SNTG1: variants seen among roughly 807,000 people sequenced by gnomAD.
SNTG1 encodes the protein syntrophin gamma 1.
A neutral mutation model predicts 74.7 loss-of-function variants in SNTG1; 39 were observed. The ratio of observed to expected loss-of-function variants is 0.52; its 90% CI spans 0.40 to 0.68. The LOEUF (loss-of-function observed/expected upper bound fraction) is 0.68, where lower values mean the gene tolerates loss of function less well. Among genes scored for constraint, SNTG1 ranks in the 30% least tolerant of loss-of-function variants. The probability of loss-of-function intolerance (pLI) is 0.00; values close to 1 mark genes in which losing one functional copy is unlikely to be tolerated. For missense variants in SNTG1, 685 were observed against 609.5 expected, an observed-to-expected ratio of 1.12 and a Z score of -1.30; for synonymous variants, 254 against 217.1, an observed-to-expected ratio of 1.17 and a Z score of -1.49.
chr8:50,225,997 A>G (rs1213449282), intron 2 of SNTG1, among the ~76,000 whole-genome samples: 3 of 152,246 alleles, frequency 2.0e-5, no homozygotes, highest in Non-Finnish European at 2.9e-5. Flanking sequence ...ATATGCATAC[A>G]TACAACATGA....
At chr8:50,055,004 T>C (rs1248172301) in intron 1 of SNTG1, among the ~76,000 whole-genome samples, 1 of 152,080 alleles carries the variant, frequency 6.6e-6, no homozygotes, top group Non-Finnish European at 1.5e-5. Flanking sequence ...TTTTTTAAAC[T>C]TCTCTCACTC....
chr8:50,562,246 T>C (rs2094492825), intron 12 of SNTG1, among the ~76,000 whole-genome samples: 1 of 152,206 alleles, frequency 6.6e-6, no homozygotes. Context: ...TTCCATGTCA[T>C]ATGGCAATAG....
chr8:49,953,433 G>C (rs919720934), intron 1 of SNTG1, among the ~76,000 whole-genome samples: 1 of 152,128 alleles, frequency 6.6e-6, no homozygotes, highest in Non-Finnish European at 1.5e-5. Context: ...TATTTCCCTG[G>C]GAACTAGAGA....
chr8:50,377,251 G>GA (rs1173851274), intron 2 of SNTG1, among the ~76,000 whole-genome samples: 1 of 151,694 alleles, frequency 6.6e-6, no homozygotes, highest in Non-Finnish European at 1.5e-5. Context: ...AGGAAAGGAA[G>GA]AAAAAAAATG....
chr8:50,228,956 T>C (rs547598913), intron 2 of SNTG1, among the ~76,000 whole-genome samples: 252 of 151,824 alleles, frequency 1.7e-3, no homozygotes, highest in African/African-American at 5.9e-3. Context: ...GATTATATCA[T>C]ATAGATAAGT....
At chr8:50,322,769 C>T (rs2090581461) in intron 2 of SNTG1, among the ~76,000 whole-genome samples, 13 of 151,786 alleles carry the variant, frequency 8.6e-5, no homozygotes, top group Admixed American at 8.5e-4. Flanking sequence ...TTTCAAATAG[C>T]CTGTCTTCAA....
chr8:50,264,338 C>A (rs753837275), intron 2 of SNTG1, among the ~76,000 whole-genome samples: 1 of 151,858 alleles, frequency 6.6e-6, no homozygotes, highest in Non-Finnish European at 1.5e-5. Flanking sequence ...GAGGCTGAGG[C>A]GGGAAGATCG....
At chr8:50,357,621 C>T (rs1420238577) in intron 2 of SNTG1, among the ~76,000 whole-genome samples, 2 of 152,186 alleles carry the variant, frequency 1.3e-5, no homozygotes, top group African/African-American at 4.8e-5. Context: ...AGCCTTGATA[C>T]TGAAGCAGGT....
At chr8:50,011,097 C>T (rs923849752) in intron 1 of SNTG1, among the ~76,000 whole-genome samples, 1 of 151,952 alleles carries the variant, frequency 6.6e-6, no homozygotes. Context: ...CTTCACATGG[C>T]CCTGCTTTGA....
intron 8 of SNTG1, among the ~76,000 whole-genome samples, chr8:50,475,230 T>TAAA (rs1361689184): frequency 6.7e-6 from 1 of 149,448 alleles, no homozygotes; most frequent in Non-Finnish European, 1.5e-5. Context: ...AGTATAATAA[T>TAAA]AATAATAATA....
intron 2 of SNTG1, among the ~76,000 whole-genome samples, chr8:50,332,380 C>T (rs2090998325): frequency 6.6e-6 from 1 of 151,824 alleles, no homozygotes; most frequent in Admixed American, 6.6e-5. Context: ...TCGTGTACAT[C>T]CATGGCCCCC....
intron 12 of SNTG1, among the ~76,000 whole-genome samples, chr8:50,579,667 G>A (rs1026983001): frequency 6.6e-6 from 1 of 152,168 alleles, no homozygotes; most frequent in African/African-American, 2.4e-5. Context: ...AAAAAAGGGG[G>A]CCAATGCGCA....
intron 18 of SNTG1, among the ~76,000 whole-genome samples, chr8:50,783,884 G>A (rs544458286): frequency 6.6e-6 from 1 of 152,304 alleles, no homozygotes; most frequent in African/African-American, 2.4e-5. Flanking sequence ...TTGGTATGAT[G>A]AGTGATCTTC....
At chr8:50,571,759 C>T (rs1006724498) in intron 12 of SNTG1, among the ~76,000 whole-genome samples, 1 of 152,170 alleles carries the variant, frequency 6.6e-6, no homozygotes, top group Non-Finnish European at 1.5e-5. Flanking sequence ...CTAGGTGATT[C>T]GCTCTCACCT....
At chr8:50,761,755 T>C (rs921512871) in intron 18 of SNTG1, among the ~76,000 whole-genome samples, 6 of 151,994 alleles carry the variant, frequency 3.9e-5, no homozygotes, top group Non-Finnish European at 7.4e-5. Flanking sequence ...GTTCTACAGT[T>C]TTATGTTTCT....
chr8:50,342,198 G>A (rs573274669), intron 2 of SNTG1, among the ~76,000 whole-genome samples: 1 of 152,058 alleles, frequency 6.6e-6, no homozygotes, highest in Non-Finnish European at 1.5e-5. Context: ...GCATGAAGTA[G>A]TTTAAAAGTT....
At chr8:50,773,795 C>T (rs1431946640) in intron 18 of SNTG1, among the ~76,000 whole-genome samples, 1 of 152,068 alleles carries the variant, frequency 6.6e-6, no homozygotes, top group Non-Finnish European at 1.5e-5. Context: ...GGTGCACTTA[C>T]TAGTAAAATA....
intron 8 of SNTG1, among the ~76,000 whole-genome samples, chr8:50,456,248 C>G (rs200822118): frequency 2.0e-5 from 3 of 152,270 alleles, no homozygotes; most frequent in East Asian, 3.9e-4. Context: ...CTTATCAAAT[C>G]TTTATTTGTC....
intron 1 of SNTG1, among the ~76,000 whole-genome samples, chr8:49,927,255 T>C (rs1019583714): frequency 6.6e-6 from 1 of 152,182 alleles, no homozygotes; most frequent in Admixed American, 6.5e-5. Flanking sequence ...TTGTTGTTAT[T>C]TACTCAAATT....
Sources: gnomAD v4.1 joint callset for allele counts (sites outside exome capture counted in the v4.1 genomes callset) on GRCh38, gnomAD v4.1.1 for gene constraint, MANE v1.5 for transcripts, NCBI Gene and HGNC (gene_info 2026-07-23, HGNC 2026-07-21) for gene names.